The following RBM33 variants were observed in gnomAD, a reference collection of about 807,000 sequenced individuals.
RBM33 encodes the protein RNA binding motif protein 33, also known as RNA-binding protein 33.
Under a neutral mutation model 132.6 loss-of-function variants are expected in RBM33, and 28 were observed. The ratio of observed to expected loss-of-function variants is 0.21; its 90% CI spans 0.16 to 0.29. The LOEUF is 0.29. Among genes scored for constraint, RBM33 ranks in the 10% least tolerant of loss-of-function variants. RBM33 has a pLI of 1.00. For synonymous variants in RBM33, 634 were observed against 593.0 expected (o/e 1.07, Z -1.01); for missense variants, 1,291 against 1,518.5 (o/e 0.85, Z 2.49).
At chr7:155,759,879 C>T (rs1211514036) in intron 14 of RBM33, among the ~76,000 whole-genome samples, 1 of 152,170 alleles carries the variant, frequency 6.6e-6, no homozygotes, top group Non-Finnish European at 1.5e-5. Flanking sequence ...ATTCGTCTTG[C>T]TGTCCGTCAT....
chr7:155,686,834 A>G (rs573174854), intron 5 of RBM33, among the ~76,000 whole-genome samples: 1 of 152,310 alleles, frequency 6.6e-6, no homozygotes, highest in South Asian at 2.1e-4. Flanking sequence ...GCTGCATAGT[A>G]TTCCATGGTG....
intron 1 of RBM33, 52 bp from the exon 2 acceptor site, chr7:155,665,123 A>C: frequency 6.8e-7 from 1 of 1,481,054 alleles, no homozygotes. Flanking sequence ...AATTATTTGC[A>C]TTGTGTCTAT....
chr7:155,659,110 A>G (rs2116880228), intron 1 of RBM33, among the ~76,000 whole-genome samples: 1 of 152,316 alleles, frequency 6.6e-6, no homozygotes, highest in Admixed American at 6.5e-5. Context: ...AACAGCAGCA[A>G]CTCTGGGGAA....
chr7:155,752,043 G>C (rs569276544), intron 14 of RBM33, among the ~76,000 whole-genome samples: 3 of 152,284 alleles, frequency 2.0e-5, no homozygotes, highest in Non-Finnish European at 1.5e-5. Flanking sequence ...TATTTATGTT[G>C]ATTTTAGAAT....
Position 155,778,622 on chromosome 7 carries a change from C to G in RBM33, c.*3581C>G, listed in dbSNP as rs1802703348. Reference sequence around the variant, plus strand: ...CTGGAGGAGTGGGGGAGGGGAACGTCTTCACTGGGTGGTGATCAGCTGGGA... The same window carrying G: ...CTGGAGGAGTGGGGGAGGGGAACGTGTTCACTGGGTGGTGATCAGCTGGGA... On this transcript the variant is annotated 3_prime_UTR_variant, in exon 18 of 18. Transcript: ENST00000401878. This position sits in a 1 kb window ranked among gnomAD's most constrained non-coding sequence, Gnocchi z 4.0. 6.6e-6 allele frequency: 1 copy of G among 152,330 alleles called. No individual in the cohort carries two copies. Among genetic ancestry groups the G allele is most frequent in the African/African-American group, 2.4e-5 (1 of 41,416 alleles). The allele number at this position is 152,330 out of a possible 1,614,324, so 9.4% of individuals were successfully genotyped here. A position where few individuals can be genotyped will look rare whatever the true frequency, so the allele number is the denominator to read the frequency against.
chr7:155,669,932 G>A (rs1355219177), intron 2 of RBM33, among the ~76,000 whole-genome samples: 3 of 152,170 alleles, frequency 2.0e-5, no homozygotes, highest in African/African-American at 7.2e-5. Context: ...AGGACCGGCT[G>A]TGCCAGCTGC....
At chr7:155,712,545 G>A (rs1800336978) in intron 8 of RBM33, among the ~76,000 whole-genome samples, 3 of 152,222 alleles carry the variant, frequency 2.0e-5, no homozygotes, top group South Asian at 2.1e-4. Context: ...GCAGGATGCG[G>A]GGAAGGGATG....
intron 5 of RBM33, among the ~76,000 whole-genome samples, chr7:155,682,637 C>G (rs1296631329): frequency 3.3e-5 from 5 of 152,162 alleles, no homozygotes; most frequent in Non-Finnish European, 7.4e-5. Context: ...GCACTGCGGA[C>G]ACAAATATTG....
chr7:155,673,018 G>A, intron 3 of RBM33, 103 bp downstream of exon 3: 3 of 677,606 alleles, frequency 4.4e-6, no homozygotes, highest in South Asian at 2.7e-5. Flanking sequence ...GGAAAGTTGG[G>A]TATAGATTAA....
At chr7:155,655,487 T>C (rs1286806745) in intron 1 of RBM33, among the ~76,000 whole-genome samples, 1 of 151,594 alleles carries the variant, frequency 6.6e-6, no homozygotes, top group African/African-American at 2.4e-5. Flanking sequence ...TATGTCAGAG[T>C]GTCTGTGAAG....
At position 155,732,420 on chromosome 7, in the gene RBM33, A is replaced by G. The variant is rs56207243; in HGVS notation, c.1261-5110A>G. Among the ~76,000 whole-genome samples the G allele has an allele frequency of 9.5e-3, 1,451 of 152,184 alleles. 20 individuals carry two copies. Among genetic ancestry groups the G allele is most frequent in the African/African-American group, 0.033 (1,370 of 41,508 alleles). ...TTCCTTTTCTCTCTGGCACCTCCCA[A>G]TATCTGCTTTTTTAAGCCAGCTCAT... is the stretch of plus-strand genomic sequence containing the variant. On this transcript the variant is annotated intron_variant, in intron 9 of 17. Coordinates refer to ENST00000401878, the MANE Select transcript of RBM33 (RefSeq NM_053043.3).
intron 5 of RBM33, among the ~76,000 whole-genome samples, chr7:155,687,114 T>C (rs1799500881): frequency 6.6e-6 from 1 of 152,242 alleles, no homozygotes; most frequent in African/African-American, 2.4e-5. Flanking sequence ...AAAGTATTCC[T>C]ATTTGTCCAC....
rs1802621761 is a variant in RBM33 at position 155,776,645 on chromosome 7, C to G, written c.*1604C>G. ...CAGGGGCTGTTGCAGCAGTCAGTCC[C>G]AGGAAGCCACAGCGCTTGTAGGATC... On this transcript the variant is annotated 3_prime_UTR_variant, in exon 18 of 18. Coordinates refer to ENST00000401878, the MANE Select transcript of RBM33 (RefSeq NM_053043.3). The surrounding 1 kb of genome is among the most constrained non-coding windows in gnomAD (Gnocchi z 4.0). The G allele has an allele frequency of 6.6e-6, 1 of 152,264 alleles. No homozygotes were observed. Among genetic ancestry groups the G allele is most frequent in the African/African-American group, 2.4e-5 (1 of 41,456 alleles). The allele number at this position is 152,264 out of a possible 1,614,324, so 9.4% of individuals were successfully genotyped here.
chr7:155,695,208 A>G (rs1799758009), intron 5 of RBM33, among the ~76,000 whole-genome samples: 1 of 152,210 alleles, frequency 6.6e-6, no homozygotes, highest in Admixed American at 6.5e-5. Flanking sequence ...CTCACTCAAA[A>G]AAAAGTGGGT....
At chr7:155,716,316 G>GTTTGTTTTTTTTTTTTTTTTTTTT (rs1800460548) in intron 8 of RBM33, among the ~76,000 whole-genome samples, 1 of 102,384 alleles carries the variant, frequency 9.8e-6, no homozygotes, top group Non-Finnish European at 1.9e-5. Flanking sequence ...CTTTTCTGCT[G>GTTTGTTTTTTTTTTTTTTTTTTTT]TTTTTTTTTT....
intron 5 of RBM33, among the ~76,000 whole-genome samples, chr7:155,698,462 A>G (rs1262150629): frequency 6.6e-6 from 1 of 152,200 alleles, no homozygotes; most frequent in Non-Finnish European, 1.5e-5. Context: ...TTTAAGCCCC[A>G]TATTTAGAAT....
chr7:155,768,557 G>A (rs2117076839), intron 16 of RBM33, among the ~76,000 whole-genome samples: 1 of 152,350 alleles, frequency 6.6e-6, no homozygotes, highest in South Asian at 2.1e-4. Context: ...ACACCAGGAG[G>A]ACCTATATTC....
chr7:155,753,432 G>A (rs1235973034), intron 14 of RBM33, among the ~76,000 whole-genome samples: 2 of 152,194 alleles, frequency 1.3e-5, no homozygotes, highest in African/African-American at 4.8e-5. Flanking sequence ...GGGAACCCAC[G>A]TTTTTTAGCC....
chr7:155,767,148 G>A (rs901354893), intron 16 of RBM33, among the ~76,000 whole-genome samples: 2 of 152,216 alleles, frequency 1.3e-5, no homozygotes, highest in Admixed American at 6.5e-5. Flanking sequence ...TAACTCTAAT[G>A]CTGAAACATG....
Sources: allele counts gnomAD v4.1 joint callset (sites outside exome capture counted in the v4.1 genomes callset), GRCh38; gene constraint gnomAD v4.1.1; non-coding constraint Gnocchi (gnomAD v3.1); transcripts MANE v1.5; gene names NCBI Gene and HGNC (gene_info 2026-07-23, HGNC 2026-07-21).